The following DPP10 variants were observed in gnomAD, a reference collection of about 807,000 sequenced individuals.
DPP10 encodes the protein dipeptidyl peptidase like 10.
Under a neutral mutation model 120.9 loss-of-function variants are expected in DPP10, and 33 were observed. The ratio of observed to expected loss-of-function variants is 0.27; its 90% CI spans 0.21 to 0.37. The LOEUF (loss-of-function observed/expected upper bound fraction) is 0.37. Among genes scored for constraint, DPP10 ranks in the 10% least tolerant of loss-of-function variants. The pLI is 1.00. For synonymous variants in DPP10, 337 were observed against 326.1 expected (o/e 1.03, Z -0.36); for missense variants, 816 against 942.8 (o/e 0.87, Z 1.76).
chr2:115,199,194 A>G (rs1461180123), intron 1 of DPP10, among the ~76,000 whole-genome samples: 1 of 152,184 alleles, frequency 6.6e-6, no homozygotes, highest in Admixed American at 6.5e-5. Context: ...ATTCTTGATG[A>G]GCAACTGAGT....
intron 1 of DPP10, among the ~76,000 whole-genome samples, chr2:115,044,216 G>A (rs1293004443): frequency 1.3e-5 from 2 of 152,084 alleles, no homozygotes; most frequent in African/African-American, 4.8e-5. Flanking sequence ...TGTACAGGAA[G>A]CATAGCATCT....
chr2:115,395,147 G>A (rs539868152), intron 3 of DPP10, among the ~76,000 whole-genome samples: 1 of 152,188 alleles, frequency 6.6e-6, no homozygotes, highest in African/African-American at 2.4e-5. Flanking sequence ...CTGGGTCCCG[G>A]AAGTTTATGA....
chr2:115,651,517 C>A (rs949795607), intron 5 of DPP10, among the ~76,000 whole-genome samples: 1 of 151,870 alleles, frequency 6.6e-6, no homozygotes, highest in African/African-American at 2.4e-5. Context: ...TAAAAGAATT[C>A]GAAAGAAACA....
chr2:115,158,704 T>C (rs956479060), intron 1 of DPP10, among the ~76,000 whole-genome samples: 3 of 152,230 alleles, frequency 2.0e-5, no homozygotes, highest in African/African-American at 4.8e-5. Context: ...TCCTTTACTG[T>C]TATATGAATG....
chr2:115,028,840 A>T (rs1309146455), intron 1 of DPP10, among the ~76,000 whole-genome samples: 1 of 151,766 alleles, frequency 6.6e-6, no homozygotes, highest in East Asian at 1.9e-4. Flanking sequence ...ACAGCATTTT[A>T]CTTGTAGTCT....
intron 1 of DPP10, among the ~76,000 whole-genome samples, chr2:114,966,061 CAGTT>C (rs1415495523): frequency 6.7e-6 from 1 of 149,660 alleles, no homozygotes; most frequent in African/African-American, 2.5e-5. Flanking sequence ...ATAATTAGGA[CAGTT>C]AGGACAGTGT....
chr2:114,959,051 G>GTTTGTT (rs1222836077), intron 1 of DPP10, among the ~76,000 whole-genome samples: 4 of 151,878 alleles, frequency 2.6e-5, no homozygotes. Flanking sequence ...GGTTTTTTTG[G>GTTTGTT]TTTGTTTTTG....
intron 1 of DPP10, among the ~76,000 whole-genome samples, chr2:114,614,343 C>G (rs1478961813): frequency 6.6e-6 from 1 of 152,082 alleles, no homozygotes; most frequent in Non-Finnish European, 1.5e-5. Context: ...TTGTGTTGCT[C>G]TTGTTATTGC....
At chr2:114,868,660 T>G (rs930720699) in intron 1 of DPP10, among the ~76,000 whole-genome samples, 5 of 152,144 alleles carry the variant, frequency 3.3e-5, no homozygotes, top group African/African-American at 1.2e-4. Context: ...CCAAGGTAGA[T>G]CTCAAAAATG....
chr2:115,268,285 A>C (rs2059545033), intron 1 of DPP10, among the ~76,000 whole-genome samples: 1 of 152,168 alleles, frequency 6.6e-6, no homozygotes, highest in Admixed American at 6.5e-5. Flanking sequence ...GGGGAAAAAA[A>C]ATTATGAGTC....
chr2:114,497,300 T>C lies in DPP10; in HGVS notation c.60+54462T>C, dbSNP rs1448569402. ...GTATACGTGTATACATGTACATGTA[T>C]ACGTGTATACATGTACATGTATACG... is the stretch of plus-strand genomic sequence containing the variant. On this transcript the variant is annotated intron_variant, in intron 1 of 25. Transcript: ENST00000410059. Among the ~76,000 whole-genome samples, 22 of 48,190 alleles carry C rather than the reference T, an allele frequency of 4.6e-4. 1 individual carries two copies. Among genetic ancestry groups the C allele is most frequent in the African/African-American group, 1.5e-3 (21 of 13,716 alleles). 31.6% of individuals were successfully genotyped at this position (48,190 alleles called of 152,430 possible).
intron 1 of DPP10, among the ~76,000 whole-genome samples, chr2:114,958,795 G>C (rs766203375): frequency 6.6e-6 from 1 of 152,170 alleles, no homozygotes; most frequent in Non-Finnish European, 1.5e-5. Context: ...CAGTATAATA[G>C]ATTTGATATT....
chr2:115,081,521 T>C (rs1405390594), intron 1 of DPP10, among the ~76,000 whole-genome samples: 1 of 152,224 alleles, frequency 6.6e-6, no homozygotes, highest in Non-Finnish European at 1.5e-5. Context: ...TAGTTGGTCC[T>C]TCATTTATTT....
chr2:115,363,583 A>C (rs1364910781), intron 3 of DPP10, among the ~76,000 whole-genome samples: 1 of 152,246 alleles, frequency 6.6e-6, no homozygotes, highest in East Asian at 1.9e-4. Flanking sequence ...GACTTCTGTC[A>C]GTGGCCATAT....
intron 13 of DPP10, among the ~76,000 whole-genome samples, chr2:115,775,383 A>G (rs1254016473): frequency 6.6e-6 from 1 of 152,006 alleles, no homozygotes; most frequent in Non-Finnish European, 1.5e-5. Flanking sequence ...TAAATAATGG[A>G]AAGGGACAAA....
At chr2:115,178,952 A>C (rs1247616623) in intron 1 of DPP10, among the ~76,000 whole-genome samples, 1 of 152,224 alleles carries the variant, frequency 6.6e-6, no homozygotes, top group African/African-American at 2.4e-5. Context: ...ACCATGGTGA[A>C]GCCAAACCAT....
chr2:115,259,923 T>C (rs1290678262), intron 1 of DPP10, among the ~76,000 whole-genome samples: 1 of 152,034 alleles, frequency 6.6e-6, no homozygotes, highest in African/African-American at 2.4e-5. Flanking sequence ...GTATATCTAA[T>C]AGTCGTTATA....
chr2:115,625,677 A>G (rs1380008731), intron 5 of DPP10, among the ~76,000 whole-genome samples: 1 of 152,144 alleles, frequency 6.6e-6, no homozygotes, highest in Non-Finnish European at 1.5e-5. Context: ...CTCCATGTTT[A>G]GGCATGTAAC....
intron 3 of DPP10, among the ~76,000 whole-genome samples, chr2:115,389,616 T>C (rs577319922): frequency 6.6e-6 from 1 of 152,112 alleles, no homozygotes; most frequent in East Asian, 1.9e-4. Flanking sequence ...CAAAGAATTT[T>C]AAGTGGCTGG....
Sources: gnomAD v4.1 joint callset for allele counts (sites outside exome capture counted in the v4.1 genomes callset) on GRCh38, gnomAD v4.1.1 for gene constraint, MANE v1.5 for transcripts, NCBI Gene and HGNC (gene_info 2026-07-23, HGNC 2026-07-21) for gene names.